Variants in ZNF875 observed in about 807,000 individuals in gnomAD.
ZNF875 encodes HKR1, GLI-Kruppel zinc finger family member.
In ZNF875, 14 loss-of-function variants were observed where a neutral mutation model predicts 11.2. The observed-to-expected ratio is 1.26, with a 90% CI of 0.83 to 1.96. ZNF875 has a LOEUF of 1.96. Ranked by LOEUF, ZNF875 falls within the 30% of genes most tolerant of loss-of-function variation. The pLI, the probability that ZNF875 is intolerant of heterozygous loss-of-function variation, is 0.00. For missense variants in ZNF875, 752 were observed against 760.4 expected (o/e 0.99, Z 0.13); for synonymous variants, 301 against 281.1 (o/e 1.07, Z -0.71).
rs1395913605 is a variant in ZNF875, at chr19:37,364,119, C to A, written c.*344C>A. On this transcript the variant is annotated 3_prime_UTR_variant, in exon 5 of 5. Coordinates refer to ENST00000392153, the MANE Select transcript of ZNF875 (RefSeq NM_001353803.2). ...ACCCAACCTTAAAGCTGAAGACAGTCCCGGCTAAATCCTCATACTGAATTG... is the reference window on the plus strand; with the variant it reads ...ACCCAACCTTAAAGCTGAAGACAGTACCGGCTAAATCCTCATACTGAATTG... 7.7e-6 allele frequency: 2 copies of A among 258,874 alleles called. No homozygotes were observed. Among genetic ancestry groups the A allele is most frequent in the Non-Finnish European group, 1.5e-5 (2 of 135,388 alleles). 16.0% of individuals were successfully genotyped at this position (258,874 alleles called of 1,614,324 possible).
At chr19:37,330,453 G>A (rs1256417684), upstream of ZNF875, among the ~76,000 whole-genome samples, 4 of 152,136 alleles carry the variant, frequency 2.6e-5, no homozygotes, top group Admixed American at 2.0e-4. Context: ...TCCTCTCAGG[G>A]ACTGTCCTTA....
Position 37,363,811 on chromosome 19 carries a change from T to C in ZNF875, c.*36T>C. The stretch of plus-strand genomic sequence containing the variant: ...TGTATAGGGAATGTGGTACAGCCTT[T>C]AGCCAGGAGTCATACTTCATCAGAC... On this transcript the variant is annotated 3_prime_UTR_variant, in exon 5 of 5. Coordinates refer to ENST00000392153, the MANE Select transcript of ZNF875 (RefSeq NM_001353803.2). The C allele has an allele frequency of 6.4e-7, 1 of 1,560,846 alleles. No individual in the cohort carries two copies. Among genetic ancestry groups the C allele is most frequent in the East Asian group, 2.2e-5 (1 of 44,568 alleles).
intron 4 of ZNF875, among the ~76,000 whole-genome samples, chr19:37,351,993 T>C (rs1290632931): frequency 6.6e-6 from 1 of 152,220 alleles, no homozygotes; most frequent in East Asian, 1.9e-4. Flanking sequence ...TTCTATCCAT[T>C]ACTGCAAAGG....
At chr19:37,346,039 A>G (rs2036694562) in intron 2 of ZNF875, among the ~76,000 whole-genome samples, 1 of 152,216 alleles carries the variant, frequency 6.6e-6, no homozygotes, top group Admixed American at 6.5e-5. Context: ...ACACCAGGGC[A>G]ATCACAGTGA....
upstream of ZNF875, among the ~76,000 whole-genome samples, chr19:37,330,516 CAT>C (rs1399909780): frequency 7.2e-5 from 11 of 152,164 alleles, no homozygotes; most frequent in Admixed American, 5.2e-4. Context: ...CCTTCATCCC[CAT>C]AAGCCCCCAT....
chr19:37,355,127 C>T (rs2038664522), intron 4 of ZNF875, among the ~76,000 whole-genome samples: 1 of 152,082 alleles, frequency 6.6e-6, no homozygotes, highest in Non-Finnish European at 1.5e-5. Flanking sequence ...TTTCTCAGTA[C>T]ATATGTATGT....
rs375666106 is a variant in ZNF875 at position 37,362,341 on chromosome 19, C to G, written c.489C>G (p.Leu163=). ...TTCAAGAGGGAGAAGACTCCAGACT[C>G]CTGTTTGGGAGAGTAAGCAAAAATG... The part of the protein sequence containing the change: ...EWIQEGEDSR[L]LFGRVSKNGT... The change falls in exon 5 of 5, where the codon CTC becomes CTG. Residue 163 remains leucine (L), a synonymous_variant. Coordinates refer to ENST00000392153, the MANE Select transcript of ZNF875 (RefSeq NM_001353803.2). The G allele has an allele frequency of 2.5e-6, 4 of 1,614,022 alleles. No individual in the cohort carries two copies. Among genetic ancestry groups the G allele is most frequent in the Non-Finnish European group, 3.4e-6 (4 of 1,180,026 alleles).
exon 1 of ZNF875, chr19:37,312,888 C>T (rs1258529730): frequency 6.6e-6 from 1 of 151,690 alleles, no homozygotes; most frequent in African/African-American, 2.4e-5. Context: ...CCCATTGGCG[C>T]CTGACGGGTT....
chr19:37,327,133 C>T (rs577384039), intron 4 of ZNF875, among the ~76,000 whole-genome samples: 3 of 152,026 alleles, frequency 2.0e-5, no homozygotes, highest in South Asian at 4.2e-4. Flanking sequence ...GCTGGGATTA[C>T]AGGTGCCCAC....
chr19:37,325,225 G>A lies in ZNF875; in HGVS notation c.-603+960G>A, dbSNP rs539419701. On this transcript the variant is annotated intron_variant, in intron 4 of 5. Coordinates refer to the ZNF875 transcript ENST00000544914. The stretch of plus-strand genomic sequence containing the variant: ...CTACTCTCCTGCTGTGCATAGATGG[G>A]GGCCCGTCCACACCCGAATCTCCTG... Among the ~76,000 whole-genome samples, 3 of 152,190 alleles carry A rather than the reference G, an allele frequency of 2.0e-5. No individual in the cohort carries two copies. In the South Asian group the frequency reaches 6.2e-4, roughly 32 times the overall value.
chr19:37,361,957 T>C, intron 4 of ZNF875, 152 bp from the exon 5 acceptor site: 2 of 604,424 alleles, frequency 3.3e-6, no homozygotes, highest in South Asian at 4.2e-5. Context: ...ATGCATGAAG[T>C]GAAATGAAAA....
intron 4 of ZNF875, among the ~76,000 whole-genome samples, chr19:37,327,045 T>C (rs1230982377): frequency 6.6e-6 from 1 of 151,512 alleles, no homozygotes; most frequent in Non-Finnish European, 1.5e-5. Context: ...CAGGCTGGAG[T>C]ACAATGGCAG....
At chr19:37,335,597 A>C (rs2034194785) in intron 2 of ZNF875, among the ~76,000 whole-genome samples, 1 of 152,206 alleles carries the variant, frequency 6.6e-6, no homozygotes, top group South Asian at 2.1e-4. Flanking sequence ...TTATTGGTAA[A>C]ACAGATAACA....
At chr19:37,356,174 C>T (rs1279625454) in intron 4 of ZNF875, among the ~76,000 whole-genome samples, 1 of 152,092 alleles carries the variant, frequency 6.6e-6, no homozygotes, top group East Asian at 1.9e-4. Context: ...TTATCCAGTC[C>T]ACTATTGATG....
chr19:37,339,929 C>G (rs2035337164), intron 2 of ZNF875, among the ~76,000 whole-genome samples: 1 of 152,038 alleles, frequency 6.6e-6, no homozygotes, highest in Non-Finnish European at 1.5e-5. Flanking sequence ...AGACTCCCTT[C>G]TTCACCATGT....
chr19:37,321,239 G>C lies in ZNF875; in HGVS notation c.-746-946G>C, dbSNP rs116209660. Among the ~76,000 whole-genome samples, 579 of 152,242 alleles carry C rather than the reference G, an allele frequency of 3.8e-3. 2 individuals carry two copies. The highest frequency in any genetic ancestry group is 0.013 in the African/African-American group (535 of 41,538). On this transcript the variant is annotated intron_variant, in intron 1 of 5. Coordinates refer to the ZNF875 transcript ENST00000544914. ...CGTGGTGAGGAGGATTAGTAAAAGA[G>C]GAGGGCCTCTGCACTTCAGATAAGA...
chr19:37,323,077 A>G (rs2031786265), intron 2 of ZNF875, among the ~76,000 whole-genome samples: 1 of 151,678 alleles, frequency 6.6e-6, no homozygotes. Context: ...GTCCTGCGTT[A>G]TAGTGTGTGG....
At chr19:37,338,998 T>C (rs2035101805) in intron 2 of ZNF875, among the ~76,000 whole-genome samples, 1 of 152,114 alleles carries the variant, frequency 6.6e-6, no homozygotes, top group Non-Finnish European at 1.5e-5. Context: ...GCAGGCACAT[T>C]ATGTTATTTT....
Position 37,362,947 on chromosome 19 carries a change from T to G in ZNF875, c.1095T>G (p.Pro365=). The change falls in exon 5 of 5, where the codon CCT becomes CCG. Residue 365 remains proline (P), a synonymous_variant. Transcript: ENST00000392153. ...AGAGGGCGCACACTGGGGAGAAGCC[T>G]TATGTTTGCAGGGAATGTGGGCGTG... The part of the protein sequence containing the change: ...THQRAHTGEK[P]YVCRECGRGF... 6 of 1,610,996 alleles carry G rather than the reference T, an allele frequency of 3.7e-6. No individual in the cohort carries two copies. Among genetic ancestry groups the G allele is most frequent in the Non-Finnish European group, 5.1e-6 (6 of 1,179,170 alleles).
Sources: allele counts gnomAD v4.1 joint callset (sites outside exome capture counted in the v4.1 genomes callset), GRCh38; gene constraint gnomAD v4.1.1; transcripts MANE v1.5; gene names NCBI Gene and HGNC (gene_info 2026-07-23, HGNC 2026-07-21).